Variants in TRIM5 observed in about 807,000 individuals in gnomAD.
The protein encoded by TRIM5 is tripartite motif-containing protein 5.
TRIM5 carries 31 observed loss-of-function variants against 35.6 expected under a neutral mutation model. The observed-to-expected ratio is 0.87, with a 90% confidence interval of 0.65 to 1.18. The LOEUF is 1.18. Ranked by LOEUF, TRIM5 falls within the 50% of genes most tolerant of loss-of-function variation. The probability of loss-of-function intolerance (pLI) is 0.00; values close to 1 mark genes in which losing one functional copy is unlikely to be tolerated. For missense variants in TRIM5, 609 were observed against 591.6 expected (o/e 1.03, Z -0.31); for synonymous variants, 243 against 215.6 (o/e 1.13, Z -1.11).
At chr11:5,606,943 CCTGT>C in the TRIM5 span, among the ~76,000 whole-genome samples, 1 of 152,212 alleles carries the variant, frequency 6.6e-6, no homozygotes, top group South Asian at 2.1e-4. Flanking sequence ...GTGGCTCACG[CCTGT>C]AATCCCAGCA....
the TRIM5 span, among the ~76,000 whole-genome samples, chr11:5,637,238 C>T: frequency 6.6e-6 from 1 of 152,134 alleles, no homozygotes; most frequent in Non-Finnish European, 1.5e-5. Context: ...TCCTGAGAGT[C>T]CCTGTAACAG....
chr11:5,611,175 G>T, the TRIM5 span: 2 of 1,613,880 alleles, frequency 1.2e-6, no homozygotes, highest in African/African-American at 2.7e-5. Flanking sequence ...TCGCCGTGTT[G>T]GGGTTTTCTT....
chr11:5,679,928 T>G lies in TRIM5; in HGVS notation c.250A>C (p.Lys84Gln). 1.2e-6 allele frequency: 2 copies of G among 1,614,076 alleles called. No homozygotes were observed. The highest frequency in any genetic ancestry group is 1.7e-6 in the Non-Finnish European group (2 of 1,180,018). ...ACTTTCTGCCCCTCTGGGCTCAACT[T>G]GACCTCCCTGAGCTTCTCCACTATG... ...ANIVEKLREV[K>Q]LSPEGQKVDH... The change falls in exon 2 of 8, where the codon AAG (lysine) becomes CAG (glutamine). Residue 84 changes from lysine (K) to glutamine (Q), a missense_variant. By Grantham distance (53) the Lys-to-Gln change is moderately conservative. Transcript: ENST00000380034.
At chr11:5,645,867 GA>G in the TRIM5 span, 1,274 of 135,102 alleles carry the variant, frequency 9.4e-3, 7 homozygotes, top group African/African-American at 0.024. Flanking sequence ...TAGTCTTCTG[GA>G]AAAAAAAAAA....
chr11:5,645,121 C>T, the TRIM5 span, among the ~76,000 whole-genome samples: 2 of 152,044 alleles, frequency 1.3e-5, no homozygotes, highest in African/African-American at 4.8e-5. Context: ...TAATCCCAGC[C>T]AGCACTTTGG....
At chr11:5,666,347 T>G in intron 5 of TRIM5, 1 of 475,740 alleles carries the variant, frequency 2.1e-6, no homozygotes, top group East Asian at 3.8e-5. Flanking sequence ...AATTAACCTC[T>G]CCCTGTCTAC....
the TRIM5 span, among the ~76,000 whole-genome samples, chr11:5,646,503 G>T: frequency 6.6e-6 from 1 of 152,104 alleles, no homozygotes; most frequent in Non-Finnish European, 1.5e-5. Context: ...GCCACCACTA[G>T]ACTACTGCAG....
chr11:5,598,479 T>C, the TRIM5 span, among the ~76,000 whole-genome samples: 1 of 152,206 alleles, frequency 6.6e-6, no homozygotes, highest in Non-Finnish European at 1.5e-5. Flanking sequence ...AAGCCACATA[T>C]GTAATGTTAC....
chr11:5,610,922 C>A, the TRIM5 span: 1 of 1,614,204 alleles, frequency 6.2e-7, no homozygotes, highest in South Asian at 1.1e-5. Context: ...GCTCCCAGCA[C>A]TTCTCCTCTG....
chr11:5,634,437 GA>G, the TRIM5 span, among the ~76,000 whole-genome samples: 153 of 130,746 alleles, frequency 1.2e-3, no homozygotes, highest in Admixed American at 2.1e-3. Context: ...TGAACTCCCT[GA>G]AAAAAAAAAT....
At chr11:5,623,534 A>ATTTTT in the TRIM5 span, among the ~76,000 whole-genome samples, 1 of 126,626 alleles carries the variant, frequency 7.9e-6, no homozygotes, top group Admixed American at 8.3e-5. Context: ...TGCCCGGCTA[A>ATTTTT]TTTTTTTTTT....
intron 4 of TRIM5, 40 bp downstream of exon 4, chr11:5,678,164 T>C (rs758187534): frequency 6.5e-7 from 1 of 1,537,000 alleles, no homozygotes; most frequent in East Asian, 2.3e-5. Context: ...GCCTTCACTT[T>C]TCTTTAATCT....
chr11:5,665,491 G>A, intron 7 of TRIM5, 96 bp from the exon 8 acceptor site: 1 of 1,543,548 alleles, frequency 6.5e-7, no homozygotes, highest in Non-Finnish European at 8.7e-7. Context: ...AAACTGGGAG[G>A]AACCTTGTTT....
chr11:5,604,428 C>T, the TRIM5 span: 1,282 of 1,272,300 alleles, frequency 1.0e-3, 14 homozygotes, highest in East Asian at 0.021. Flanking sequence ...TAGGTTAGGA[C>T]AGGCTTCTTT....
chr11:5,603,846 G>A, the TRIM5 span: 1 of 1,464,498 alleles, frequency 6.8e-7, no homozygotes, highest in Non-Finnish European at 9.0e-7. Context: ...CCTAGAGAAT[G>A]AACCTGGAAA....
chr11:5,633,728 T>C, the TRIM5 span: 14 of 1,439,694 alleles, frequency 9.7e-6, no homozygotes, highest in Non-Finnish European at 6.5e-6. Context: ...ATCAACTTGA[T>C]TTTTTCCCTG....
chr11:5,594,865 G>A, the TRIM5 span, among the ~76,000 whole-genome samples: 2 of 152,066 alleles, frequency 1.3e-5, no homozygotes, highest in Non-Finnish European at 2.9e-5. Context: ...GTTTGGGTGG[G>A]GTCAGGAGAA....
At chr11:5,678,706 T>A (rs1295886581) in intron 3 of TRIM5, among the ~76,000 whole-genome samples, 6 of 152,200 alleles carry the variant, frequency 3.9e-5, no homozygotes, top group Non-Finnish European at 8.8e-5. Flanking sequence ...CACTCATGCC[T>A]GCCTGTATTA....
At chr11:5,623,534 ATT>A in the TRIM5 span, among the ~76,000 whole-genome samples, 9,562 of 126,548 alleles carry the variant, frequency 0.076, 415 homozygotes, top group East Asian at 0.18. Flanking sequence ...TGCCCGGCTA[ATT>A]TTTTTTTTTT....
Sources: allele counts gnomAD v4.1 joint callset (sites outside exome capture counted in the v4.1 genomes callset), GRCh38; gene constraint gnomAD v4.1.1; transcripts MANE v1.5; gene names NCBI Gene and HGNC (gene_info 2026-07-23, HGNC 2026-07-21).